SERAC1: variants seen among roughly 807,000 people sequenced by gnomAD.
The protein encoded by SERAC1 is protein SERAC1.
In SERAC1, 36 loss-of-function variants were observed where a neutral mutation model predicts 85.7. The ratio of observed to expected loss-of-function variants is 0.42; its 90% confidence interval spans 0.32 to 0.55. The LOEUF (loss-of-function observed/expected upper bound fraction) is 0.55. Ranked by LOEUF, SERAC1 falls within the 20% of genes least tolerant of loss-of-function variation. The pLI, the probability that SERAC1 is intolerant of heterozygous loss-of-function variation, is 0.11. For missense variants in SERAC1, 629 were observed against 796.2 expected (o/e 0.79, Z 2.53); for synonymous variants, 242 against 265.3 (o/e 0.91, Z 0.85).
At chr6:158,151,717 G>A (rs973066524) in intron 3 of SERAC1, among the ~76,000 whole-genome samples, 3 of 152,076 alleles carry the variant, frequency 2.0e-5, no homozygotes, top group East Asian at 1.9e-4. Flanking sequence ...GAGCTGCCGC[G>A]CCCGGCCTCG....
chr6:158,113,743 C>A (rs756297393), intron 15 of SERAC1, 151 bp from the exon 16 acceptor site: 51 of 708,958 alleles, frequency 7.2e-5, no homozygotes, highest in Non-Finnish European at 1.1e-4. Flanking sequence ...TGCCAAGAAG[C>A]CACTAAGATT....
chr6:158,163,662 A>C (rs562895887), intron 1 of SERAC1, among the ~76,000 whole-genome samples: 43 of 152,336 alleles, frequency 2.8e-4, no homozygotes, highest in African/African-American at 1.0e-3. Flanking sequence ...GTATGGACCT[A>C]TTCCACTCCA....
At chr6:158,158,216 G>T in intron 2 of SERAC1, 57 bp downstream of exon 2, 1 of 1,309,150 alleles carries the variant, frequency 7.6e-7, no homozygotes, top group Non-Finnish European at 1.1e-6. Flanking sequence ...CTTAGAAATG[G>T]CCACAATTCT....
intron 10 of SERAC1, among the ~76,000 whole-genome samples, chr6:158,127,393 C>A (rs796187142): frequency 2.5e-5 from 1 of 40,526 alleles, no homozygotes; most frequent in African/African-American, 6.7e-5. Context: ...CCCCCCTGCC[C>A]GGCCAGCCGC....
intron 8 of SERAC1, 30 bp from the exon 9 acceptor site, chr6:158,130,516 G>GA: frequency 2.3e-6 from 3 of 1,312,900 alleles, no homozygotes; most frequent in East Asian, 2.5e-5. Context: ...AATTTTTACT[G>GA]AAAAAAAGTG....
At position 158,111,276 on chromosome 6, in the gene SERAC1, TTTGCATGA is replaced by T. The variant is rs1244918988; in HGVS notation, c.*82_*89del. ...CCATGTTGACGCTATGATCACTATGTTTGCATGATTGCATAGAGCTTAAAAGAAGAAAC... is the reference window on the plus strand; with the variant it reads ...CCATGTTGACGCTATGATCACTATGTTTGCATAGAGCTTAAAAGAAGAAAC... On this transcript the variant is annotated 3_prime_UTR_variant, in exon 17 of 17. Coordinates refer to ENST00000647468, the MANE Select transcript of SERAC1 (RefSeq NM_032861.4). 4 of 1,209,018 alleles carry T rather than the reference TTTGCATGA, an allele frequency of 3.3e-6. No homozygotes were observed. In the African/African-American group the frequency reaches 6.1e-5, roughly 18 times the overall value. 74.9% of individuals were successfully genotyped at this position (1,209,018 alleles called of 1,614,324 possible). A position where few individuals can be genotyped will look rare whatever the true frequency, so the allele number is the denominator to read the frequency against.
chr6:158,145,104 C>T (rs138255955), intron 6 of SERAC1, among the ~76,000 whole-genome samples: 4,538 of 152,096 alleles, frequency 0.03, 213 homozygotes, highest in African/African-American at 0.1. Context: ...ATTAGCCAGG[C>T]GTGGTGGCAG....
rs375742426 is a variant in SERAC1, at chr6:158,113,591, A to T, written c.1686T>A (p.Asp562Glu). 1.2e-6 allele frequency: 2 copies of T among 1,612,446 alleles called. No individual in the cohort carries two copies. The highest frequency in any genetic ancestry group is 2.7e-5 in the African/African-American group (2 of 74,898). ...CTTGTAGTGTTTTAAGTGCAGGAGAATCTGTAAAATTATACAGAACAAGAC... is the reference window on the plus strand; with the variant it reads ...CTTGTAGTGTTTTAAGTGCAGGAGATTCTGTAAAATTATACAGAACAAGAC... ...PSLEVKELSK[D>E]SPALKTLQDD... The change falls in exon 16 of 17, where the codon GAT becomes GAA. Residue 562 changes from aspartate to glutamate, a missense_variant and splice_region_variant. Physicochemically the swap from Asp to Glu is conservative, Grantham distance 45. Coordinates refer to ENST00000647468, the MANE Select transcript of SERAC1 (RefSeq NM_032861.4).
In SERAC1 at chr6:158,150,438, TTACA is replaced by T. The variant is rs765908066; in HGVS notation, c.265+11_265+14del. 10 of 1,544,476 alleles carry T rather than the reference TTACA, an allele frequency of 6.5e-6. No homozygotes were observed. Among genetic ancestry groups the T allele is most frequent in the Non-Finnish European group, 8.9e-6 (10 of 1,125,010 alleles). ...CTTCCATTTTTCACAGAGGATTACTTTACAATAAACTTACCATGATTTTCTCCTT... is the reference window on the plus strand; with the variant it reads ...CTTCCATTTTTCACAGAGGATTACTTATAAACTTACCATGATTTTCTCCTT... On this transcript the variant is annotated intron_variant, in intron 4 of 16. Transcript: ENST00000647468.
rs12524871 is a variant in SERAC1 at position 158,130,403 on chromosome 6, G to T, written c.822C>A (p.Phe274Leu). The T allele has an allele frequency of 6.3e-7, 1 of 1,594,298 alleles. No homozygotes were observed. The highest frequency in any genetic ancestry group is 1.2e-5 in the South Asian group (1 of 85,936). ...AATGTTTTACTATAGCTTCTAAACA[G>T]AACATTTCCACTGTTGCTGAAGGAA... is the stretch of plus-strand genomic sequence containing the variant. ...GEVPSATVEM[F>L]CLEAIVKHSE... Residue 274 changes from phenylalanine to leucine, a missense_variant, in exon 9 of 17, where the codon TTC becomes TTA. Coordinates refer to ENST00000647468, the MANE Select transcript of SERAC1 (RefSeq NM_032861.4).
In SERAC1 at chr6:158,117,502, CAT is replaced by C; in HGVS notation, c.1403+223_1403+224del. 6.5e-7 allele frequency: 1 copy of C among 1,549,382 alleles called. No individual in the cohort carries two copies. Among genetic ancestry groups the C allele is most frequent in the Non-Finnish European group, 8.7e-7 (1 of 1,146,188 alleles). On this transcript the variant is annotated intron_variant, in intron 13 of 16. Transcript: ENST00000647468. The surrounding 1 kb of genome is among the most constrained non-coding windows in gnomAD (Gnocchi z 4.3). ...ACTATTAGAACAGTTGTAAATAAAC[CAT>C]GTTAGGAGCCCACCATTGGTGATAT...
chr6:158,130,512 T>C (rs917096359), intron 8 of SERAC1, 26 bp from the exon 9 acceptor site: 1 of 1,408,496 alleles, frequency 7.1e-7, no homozygotes, highest in Non-Finnish European at 9.7e-7. Context: ...TTAAAATTTT[T>C]ACTGAAAAAA....
Position 158,114,773 on chromosome 6 carries a change from T to A in SERAC1, c.1684+16A>T, listed in dbSNP as rs1017214073. On this transcript the variant is annotated intron_variant, in intron 15 of 16. Coordinates refer to ENST00000647468, the MANE Select transcript of SERAC1 (RefSeq NM_032861.4). ...GTTAATATAACCCCAATTTCCTTTA[T>A]GACAAAAAGTATTACCCTTGCTGAG... 1.2e-6 allele frequency: 2 copies of A among 1,607,018 alleles called. No homozygotes were observed. The highest frequency in any genetic ancestry group is 1.7e-6 in the Non-Finnish European group (2 of 1,177,184).
At chr6:158,116,046 A>G in intron 14 of SERAC1, 139 bp downstream of exon 14, 2 of 674,940 alleles carry the variant, frequency 3.0e-6, no homozygotes, top group Admixed American at 2.6e-5. Context: ...TCCTAGCCAT[A>G]GCTACACAGA....
intron 1 of SERAC1, among the ~76,000 whole-genome samples, chr6:158,159,791 A>T (rs1189927912): frequency 6.6e-6 from 1 of 151,658 alleles, no homozygotes; most frequent in Non-Finnish European, 1.5e-5. Flanking sequence ...CACTCAACTA[A>T]TTTTTTGTAT....
At chr6:158,144,236 G>A (rs73797649) in intron 7 of SERAC1, 63 bp downstream of exon 7, 3 of 1,324,056 alleles carry the variant, frequency 2.3e-6, no homozygotes, top group Admixed American at 4.2e-5. Context: ...TGTACCCCAA[G>A]TGAAGATAAT....
rs1166621851 is a variant in SERAC1, at chr6:158,119,719, C to G, written c.1167-549G>C. Among the ~76,000 whole-genome samples, 1 of 152,162 alleles carries G rather than the reference C, an allele frequency of 6.6e-6. No individual in the cohort carries two copies. Among genetic ancestry groups the G allele is most frequent in the Non-Finnish European group, 1.5e-5 (1 of 68,024 alleles). On this transcript the variant is annotated intron_variant, in intron 11 of 16. Transcript: ENST00000647468. The surrounding 1 kb of genome is among the most constrained non-coding windows in gnomAD (Gnocchi z 4.5). ...AGTACACATACAATTATGCAATGCACATATATAACCATAATATTTTATTTA... is the reference window on the plus strand; with the variant it reads ...AGTACACATACAATTATGCAATGCAGATATATAACCATAATATTTTATTTA...
chr6:158,143,345 CTCTATATATA>C (rs1178710837), intron 7 of SERAC1, among the ~76,000 whole-genome samples, 161 bp from the exon 8 acceptor site: 2,297 of 26,366 alleles, frequency 0.087, 22 homozygotes, highest in South Asian at 0.12. Flanking sequence ...CTCTCTCTCT[CTCTATATATA>C]TATATATATA....
At chr6:158,143,341 C>A (rs1185142541) in intron 7 of SERAC1, among the ~76,000 whole-genome samples, 157 bp from the exon 8 acceptor site, 1 of 26,100 alleles carries the variant, frequency 3.8e-5, no homozygotes, top group African/African-American at 3.2e-4. Context: ...CTCTCTCTCT[C>A]TCTCTCTATA....
Sources: gnomAD v4.1 joint callset for allele counts (sites outside exome capture counted in the v4.1 genomes callset) on GRCh38, gnomAD v4.1.1 for gene constraint, Gnocchi (gnomAD v3.1) non-coding constraint, MANE v1.5 for transcripts, NCBI Gene and HGNC (gene_info 2026-07-23, HGNC 2026-07-21) for gene names.